The following GABRB3 variants were observed in gnomAD, a reference collection of about 807,000 sequenced individuals.
GABRB3 encodes gamma-aminobutyric acid receptor subunit beta-3.
GABRB3 carries 14 observed loss-of-function variants against 52.1 expected under a neutral mutation model. The ratio of observed to expected loss-of-function variants is 0.27; its 90% CI spans 0.18 to 0.42. GABRB3 has a LOEUF of 0.42. Ranked by LOEUF, GABRB3 falls within the 10% of genes least tolerant of loss-of-function variation. The pLI is 1.00. For missense variants in GABRB3, 307 were observed against 609.1 expected (o/e 0.50, Z 5.22); for synonymous variants, 260 against 232.3 (o/e 1.12, Z -1.08).
intron 4 of GABRB3, among the ~76,000 whole-genome samples, chr15:26,588,672 A>T (rs1261660398): frequency 6.6e-6 from 1 of 152,260 alleles, no homozygotes; most frequent in Non-Finnish European, 1.5e-5. Context: ...CAGAGATATA[A>T]ATATTGATAC....
rs568436430 is a variant in GABRB3 at position 26,708,541 on chromosome 15, G to C, written c.240+63861C>G. On this transcript the variant is annotated intron_variant, in intron 3 of 8. Transcript: ENST00000311550. ...CCTGGGTACTAGGGCACTGCATGAG[G>C]AGAGGAGCTATATGGGAGGGGGTGA... Among the ~76,000 whole-genome samples the C allele has an allele frequency of 8.5e-5, 13 of 152,332 alleles. No individual in the cohort carries two copies. In the East Asian group the frequency reaches 9.6e-4, roughly 11 times the overall value.
In GABRB3 at chr15:26,567,703, C is replaced by T. The variant is rs773257229; in HGVS notation, c.713G>A (p.Arg238Gln). Reference sequence around the variant, plus strand: ...GAAGTATCCAATGTTCCTCTTCAACCGAAAGCTCAGTGACAGTCGAGGATA... The same window carrying T: ...GAAGTATCCAATGTTCCTCTTCAACTGAAAGCTCAGTGACAGTCGAGGATA... Reference protein sequence around the residue: ...GAYPRLSLSFRLKRNIGYFIL... With the variant: ...GAYPRLSLSFQLKRNIGYFIL... Residue 238 changes from arginine (R) to glutamine (Q), a missense_variant, in exon 7 of 9, where the codon CGG becomes CAG. Arg to Gln is a conservative substitution (Grantham distance 43, BLOSUM62 1). Coordinates refer to ENST00000311550, the MANE Select transcript of GABRB3 (RefSeq NM_000814.6). The T allele has an allele frequency of 6.2e-6, 10 of 1,613,916 alleles. No homozygotes were observed. The highest frequency in any genetic ancestry group is 2.2e-5 in the East Asian group (1 of 44,866).
At chr15:26,641,216 G>C (rs1250913941) in intron 3 of GABRB3, among the ~76,000 whole-genome samples, 1 of 152,240 alleles carries the variant, frequency 6.6e-6, no homozygotes, top group Non-Finnish European at 1.5e-5. Flanking sequence ...ATGAATGACA[G>C]CCTGCAATTA....
chr15:26,565,311 T>C (rs1422067011), intron 7 of GABRB3, among the ~76,000 whole-genome samples: 1 of 152,168 alleles, frequency 6.6e-6, no homozygotes, highest in Non-Finnish European at 1.5e-5. Flanking sequence ...AGGGAATGCA[T>C]GTGCAGGTGT....
intron 3 of GABRB3, among the ~76,000 whole-genome samples, chr15:26,762,831 A>G (rs1242662382): frequency 6.6e-6 from 1 of 152,232 alleles, no homozygotes; most frequent in East Asian, 1.9e-4. Context: ...GTGTTCTCCA[A>G]GCAACCATTG....
At chr15:26,630,287 T>C (rs1892876365) in intron 3 of GABRB3, among the ~76,000 whole-genome samples, 1 of 152,160 alleles carries the variant, frequency 6.6e-6, no homozygotes, top group Non-Finnish European at 1.5e-5. Flanking sequence ...GCACCTCTGG[T>C]TATACCGTGA....
At chr15:26,737,942 T>C (rs2140157287) in intron 3 of GABRB3, among the ~76,000 whole-genome samples, 1 of 152,338 alleles carries the variant, frequency 6.6e-6, no homozygotes, top group Non-Finnish European at 1.5e-5. Context: ...CTACTAAAAC[T>C]ACAATGGGGC....
chr15:26,744,627 T>A (rs1175071830), intron 3 of GABRB3, among the ~76,000 whole-genome samples: 2 of 152,158 alleles, frequency 1.3e-5, no homozygotes, highest in African/African-American at 4.8e-5. Flanking sequence ...GGTTTCACCA[T>A]GTTGGCCAGG....
chr15:26,745,547 C>G (rs1401431669), intron 3 of GABRB3, among the ~76,000 whole-genome samples: 1 of 152,096 alleles, frequency 6.6e-6, no homozygotes, highest in Non-Finnish European at 1.5e-5. Flanking sequence ...GGCGTAGATT[C>G]CCTGCAGCCT....
chr15:26,624,911 G>C (rs1014442581), intron 3 of GABRB3: 2 of 985,410 alleles, frequency 2.0e-6, no homozygotes, highest in Non-Finnish European at 2.4e-6. Flanking sequence ...ACTGAGCCAG[G>C]AACAGCGGGC....
intron 4 of GABRB3, among the ~76,000 whole-genome samples, chr15:26,606,773 G>GATAGATATATCA (rs1555370495): frequency 1.9e-5 from 1 of 53,088 alleles, no homozygotes; most frequent in Non-Finnish European, 5.4e-5. Flanking sequence ...TCTATCTATA[G>GATAGATATATCA]ATAGATAGAT....
At chr15:26,595,411 T>C (rs763613602) in intron 4 of GABRB3, among the ~76,000 whole-genome samples, 1 of 152,116 alleles carries the variant, frequency 6.6e-6, no homozygotes, top group Non-Finnish European at 1.5e-5. Context: ...CCCTAGGATA[T>C]GGGTGGGGGA....
chr15:26,752,675 T>C (rs2162243), intron 3 of GABRB3, among the ~76,000 whole-genome samples: 8,800 of 152,228 alleles, frequency 0.058, 570 homozygotes, highest in African/African-American at 0.16. Flanking sequence ...TGTGGAATGG[T>C]ATAATCAAGC....
chr15:26,610,038 C>T (rs1892010340), intron 4 of GABRB3, among the ~76,000 whole-genome samples: 1 of 152,166 alleles, frequency 6.6e-6, no homozygotes, highest in Admixed American at 6.5e-5. Flanking sequence ...AACATACTGG[C>T]TCACCACATC....
chr15:26,752,282 G>A (rs1407822234), intron 3 of GABRB3, among the ~76,000 whole-genome samples: 1 of 137,938 alleles, frequency 7.2e-6, no homozygotes. Context: ...TATTTATTTT[G>A]AGAGGGAGTC....
intron 3 of GABRB3, among the ~76,000 whole-genome samples, chr15:26,662,863 T>G (rs574022136): frequency 1.3e-5 from 2 of 152,350 alleles, no homozygotes; most frequent in African/African-American, 4.8e-5. Context: ...TCATTTGCTT[T>G]ACAGTTATTT....
intron 3 of GABRB3, among the ~76,000 whole-genome samples, chr15:26,662,412 C>T (rs929449617): frequency 6.6e-6 from 1 of 152,172 alleles, no homozygotes; most frequent in African/African-American, 2.4e-5. Flanking sequence ...CATCCAACCA[C>T]GACTCCCTCA....
At chr15:26,721,373 G>A (rs1437608567) in intron 3 of GABRB3, among the ~76,000 whole-genome samples, 1 of 151,938 alleles carries the variant, frequency 6.6e-6, no homozygotes, top group Admixed American at 6.6e-5. Flanking sequence ...GGAAGAAGAG[G>A]ACTCTAAATC....
intron 3 of GABRB3, among the ~76,000 whole-genome samples, chr15:26,709,234 T>C (rs779283254): frequency 8.8e-4 from 134 of 152,178 alleles, no homozygotes; most frequent in Non-Finnish European, 1.3e-3. Context: ...GTGGGAGCTG[T>C]CTGGGTCATG....
Sources: allele counts gnomAD v4.1 joint callset (sites outside exome capture counted in the v4.1 genomes callset), GRCh38; gene constraint gnomAD v4.1.1; transcripts MANE v1.5; gene names NCBI Gene and HGNC (gene_info 2026-07-23, HGNC 2026-07-21).